The following MOV10L1 variants were observed in gnomAD, a reference collection of about 807,000 sequenced individuals.
MOV10L1 encodes RNA helicase Mov10l1.
A neutral mutation model predicts 143.8 loss-of-function variants in MOV10L1; 110 were observed. That is an observed-to-expected ratio of 0.76 (90% CI 0.66 to 0.90). MOV10L1 has a LOEUF of 0.90. Among genes scored for constraint, MOV10L1 ranks in the 40% least tolerant of loss-of-function variants. The probability of loss-of-function intolerance (pLI) is 0.00; values close to 1 mark genes in which losing one functional copy is unlikely to be tolerated. For synonymous variants in MOV10L1, 593 were observed against 581.1 expected, an observed-to-expected ratio of 1.02 and a Z score of -0.29; for missense variants, 1,406 against 1,526.8, an observed-to-expected ratio of 0.92 and a Z score of 1.32.
At position 50,158,240 on chromosome 22, in the gene MOV10L1, G is replaced by C. The variant is rs528415263; in HGVS notation, c.3216+34G>C. 36 of 1,613,114 alleles carry C rather than the reference G, an allele frequency of 2.2e-5. No individual in the cohort carries two copies. In the East Asian group the frequency reaches 7.8e-4, roughly 35 times the overall value. On this transcript the variant is annotated intron_variant, in intron 23 of 26. Coordinates refer to ENST00000262794, the MANE Select transcript of MOV10L1 (RefSeq NM_018995.3). The surrounding 1 kb of genome is among the most constrained non-coding windows in gnomAD (Gnocchi z 5.0). ...TGCCCAGGCACGCCTGGTTCTGTGA[G>C]GTCCCTGCAGCCCTGCTCCTTGGCT...
At chr22:50,136,988 C>T (rs1021155115) in intron 15 of MOV10L1, among the ~76,000 whole-genome samples, 2 of 152,150 alleles carry the variant, frequency 1.3e-5, no homozygotes, top group African/African-American at 4.8e-5. Context: ...AAGGCTGCTC[C>T]GGCCCAGACT....
rs78819637 is a variant in MOV10L1, at chr22:50,138,011, C to T, written c.2070+3381C>T. ...ATAAATGTGTAATATACCATATTAA[C>T]AAACTGAAAAGGAAAAACCATATAA... On this transcript the variant is annotated intron_variant, in intron 15 of 26. Transcript: ENST00000262794. 5.0e-3 allele frequency among the ~76,000 whole-genome samples: 756 copies of T among 151,860 alleles called. 9 individuals are homozygous for T. Among genetic ancestry groups the T allele is most frequent in the African/African-American group, 0.017 (715 of 41,412 alleles).
chr22:50,110,949 A>C (rs1354771068), intron 5 of MOV10L1, among the ~76,000 whole-genome samples: 1 of 151,478 alleles, frequency 6.6e-6, no homozygotes, highest in Non-Finnish European at 1.5e-5. Flanking sequence ...AAAAAAAATT[A>C]TTAGATTTCC....
intron 9 of MOV10L1, among the ~76,000 whole-genome samples, chr22:50,120,248 C>T (rs1005779658): frequency 1.3e-5 from 2 of 152,138 alleles, no homozygotes. Context: ...GCCCTGTTTT[C>T]CCACAGCCTG....
At position 50,134,648 on chromosome 22, in the gene MOV10L1, G is replaced by C; in HGVS notation, c.2070+18G>C. 2.5e-6 allele frequency: 4 copies of C among 1,610,522 alleles called. No homozygotes were observed. Among genetic ancestry groups the C allele is most frequent in the Middle Eastern group, 1.7e-4 (1 of 6,050 alleles). On this transcript the variant is annotated intron_variant, in intron 15 of 26. Coordinates refer to ENST00000262794, the MANE Select transcript of MOV10L1 (RefSeq NM_018995.3). Reference sequence around the variant, plus strand: ...GCAAAAAGGTAGTGCTCAGCAATGTGGCTTTCTCTACACAGGGGATGGCTC... The same window carrying C: ...GCAAAAAGGTAGTGCTCAGCAATGTCGCTTTCTCTACACAGGGGATGGCTC...
chr22:50,106,741 G>A (rs1039223075), intron 3 of MOV10L1, among the ~76,000 whole-genome samples: 1 of 123,442 alleles, frequency 8.1e-6, no homozygotes, highest in African/African-American at 3.1e-5. Context: ...TCGCTCTGTT[G>A]CCTAGGCTGG....
chr22:50,134,466 C>G, intron 14 of MOV10L1, 64 bp from the exon 15 acceptor site: 2 of 1,344,182 alleles, frequency 1.5e-6, no homozygotes, highest in East Asian at 2.3e-5. Context: ...CATAAACAAC[C>G]TCTATTAATA....
At chr22:50,144,743 G>T (rs533794792) in intron 18 of MOV10L1, among the ~76,000 whole-genome samples, 1 of 151,640 alleles carries the variant, frequency 6.6e-6, no homozygotes, top group African/African-American at 2.4e-5. Flanking sequence ...CACTGCGCCC[G>T]GCTAATTTTT....
In MOV10L1 at chr22:50,134,594, A is replaced by C. The variant is rs1262983676; in HGVS notation, c.2034A>C (p.Gln678His). The change falls in exon 15 of 27, where the codon CAA becomes CAC. Residue 678 changes from glutamine to histidine, a missense_variant. Coordinates refer to ENST00000262794, the MANE Select transcript of MOV10L1 (RefSeq NM_018995.3). ...PQVTGNWNHA[Q>H]DTKSSGQSTS... ...TGACGGGAAATTGGAACCATGCACA[A>C]GACACCAAAAGCAGTGGACAGTCCA... The C allele has an allele frequency of 6.2e-7, 1 of 1,614,222 alleles. No individual in the cohort carries two copies. The highest frequency in any genetic ancestry group is 1.1e-5 in the South Asian group (1 of 91,086).
At position 50,153,120 on chromosome 22, in the gene MOV10L1, G is replaced by C; in HGVS notation, c.2968G>C (p.Glu990Gln). 2.5e-6 allele frequency: 4 copies of C among 1,613,932 alleles called. No homozygotes were observed. The highest frequency in any genetic ancestry group is 3.4e-6 in the Non-Finnish European group (4 of 1,179,810). ...GCCCTCACGGCTGTTCTACCACAGGGAACTCGAGGTCTGTGCGGACCCCAC... is the reference window on the plus strand; with the variant it reads ...GCCCTCACGGCTGTTCTACCACAGGCAACTCGAGGTCTGTGCGGACCCCAC... The part of the protein sequence containing the change: ...MLPSRLFYHR[E>Q]LEVCADPTVV... The change falls in exon 22 of 27, where the codon GAA (glutamate) becomes CAA (glutamine). Residue 990 changes from glutamate to glutamine, a missense_variant. Transcript: ENST00000262794.
chr22:50,151,677 C>T (rs1046582201), intron 21 of MOV10L1, among the ~76,000 whole-genome samples: 11 of 152,342 alleles, frequency 7.2e-5, no homozygotes, highest in African/African-American at 2.2e-4. Flanking sequence ...TGCTGTCCCC[C>T]GGAGGTTCGC....
chr22:50,114,306 T>G (rs1335229078), intron 6 of MOV10L1, 75 bp from the exon 7 acceptor site: 1 of 1,534,590 alleles, frequency 6.5e-7, no homozygotes, highest in African/African-American at 1.4e-5. Flanking sequence ...TAGATTAGGT[T>G]TTGTGTTTTA....
At chr22:50,099,294 A>C (rs1374522982) in intron 2 of MOV10L1, 149 bp from the exon 3 acceptor site, 1 of 840,056 alleles carries the variant, frequency 1.2e-6, no homozygotes, top group African/African-American at 1.7e-5. Flanking sequence ...ACGGTATACC[A>C]GGAAGAAGGC....
At chr22:50,112,816 C>G (rs2062059690) in intron 5 of MOV10L1, among the ~76,000 whole-genome samples, 1 of 152,254 alleles carries the variant, frequency 6.6e-6, no homozygotes, top group Admixed American at 6.5e-5. Flanking sequence ...GCAGTCGCAT[C>G]TGACGACTCC....
intron 2 of MOV10L1, among the ~76,000 whole-genome samples, chr22:50,099,073 T>A (rs753980395): frequency 6.6e-6 from 1 of 152,234 alleles, no homozygotes; most frequent in African/African-American, 2.4e-5. Context: ...AATATTTCAT[T>A]GAGGATTTTT....
At position 50,160,950 on chromosome 22, in the gene MOV10L1, G is replaced by T. The variant is rs200242617; in HGVS notation, c.3463-14G>T. ...CACTTGCTCTCACACCAGGCTAATT[G>T]TTATTGCCAACAGGACCCCTGTTTT... On this transcript the variant is annotated splice_polypyrimidine_tract_variant and intron_variant, in intron 25 of 26. Transcript: ENST00000262794. The T allele has an allele frequency of 9.0e-5, 145 of 1,614,084 alleles. 1 individual carries two copies. Among genetic ancestry groups the T allele is most frequent in the Middle Eastern group, 4.9e-4 (3 of 6,062 alleles).
chr22:50,140,173 A>G (rs922371457), intron 15 of MOV10L1, among the ~76,000 whole-genome samples: 1 of 152,228 alleles, frequency 6.6e-6, no homozygotes, highest in Non-Finnish European at 1.5e-5. Flanking sequence ...TTGACATGCA[A>G]CAACACAGGT....
intron 2 of MOV10L1, among the ~76,000 whole-genome samples, chr22:50,099,113 A>C (rs1281459441): frequency 6.6e-6 from 1 of 152,092 alleles, no homozygotes; most frequent in African/African-American, 2.4e-5. Context: ...ATTGCTATAG[A>C]CTCAATGTTG....
intron 3 of MOV10L1, among the ~76,000 whole-genome samples, chr22:50,101,011 A>G (rs926424257): frequency 1.3e-5 from 2 of 152,102 alleles, no homozygotes; most frequent in East Asian, 1.9e-4. Flanking sequence ...CTGTGCATAC[A>G]TTGTGGTAGG....
Sources: gnomAD v4.1 joint callset for allele counts (sites outside exome capture counted in the v4.1 genomes callset) on GRCh38, gnomAD v4.1.1 for gene constraint, Gnocchi (gnomAD v3.1) non-coding constraint, MANE v1.5 for transcripts, NCBI Gene and HGNC (gene_info 2026-07-23, HGNC 2026-07-21) for gene names.